RSPO2: variants seen among roughly 807,000 people sequenced by gnomAD.
RSPO2 encodes the protein R-spondin 2, also known as R-spondin-2.
Under a neutral mutation model 30.9 loss-of-function variants are expected in RSPO2, and 14 were observed. The ratio of observed to expected loss-of-function variants is 0.45; its 90% confidence interval spans 0.30 to 0.71. The LOEUF (loss-of-function observed/expected upper bound fraction) is 0.71. Among genes scored for constraint, RSPO2 ranks in the 30% least tolerant of loss-of-function variants. The pLI is 0.08. For missense variants in RSPO2, 264 were observed against 301.9 expected, an observed-to-expected ratio of 0.87 and a Z score of 0.93; for synonymous variants, 107 against 96.4, an observed-to-expected ratio of 1.11 and a Z score of -0.64.
chr8:108,058,371 A>G (rs567600363), intron 2 of RSPO2, among the ~76,000 whole-genome samples: 286 of 152,350 alleles, frequency 1.9e-3, no homozygotes, highest in Non-Finnish European at 3.3e-3. Context: ...ATGGAAGAAC[A>G]TTCCATACTC....
At chr8:107,918,553 C>G (rs1357872920) in intron 5 of RSPO2, among the ~76,000 whole-genome samples, 1 of 152,112 alleles carries the variant, frequency 6.6e-6, no homozygotes, top group African/African-American at 2.4e-5. Context: ...CACTTTCTAA[C>G]AGACCCACGA....
At chr8:107,930,154 A>T (rs12679075) in intron 5 of RSPO2, among the ~76,000 whole-genome samples, 14,604 of 152,258 alleles carry the variant, frequency 0.096, 820 homozygotes, top group South Asian at 0.17. Flanking sequence ...CTTGGTATTC[A>T]TTACAAGTTT....
chr8:107,944,035 T>C (rs1812978612), intron 5 of RSPO2, among the ~76,000 whole-genome samples: 2 of 152,204 alleles, frequency 1.3e-5, no homozygotes, highest in Admixed American at 1.3e-4. Context: ...GAAAGAGGTA[T>C]AAGCACTCAG....
At chr8:108,045,992 T>G (rs768336521) in intron 2 of RSPO2, among the ~76,000 whole-genome samples, 7 of 152,270 alleles carry the variant, frequency 4.6e-5, no homozygotes, top group African/African-American at 1.7e-4. Flanking sequence ...CAGGCATACA[T>G]AAGTAAATAT....
intron 3 of RSPO2, among the ~76,000 whole-genome samples, chr8:107,979,606 C>T (rs769688449): frequency 1.3e-5 from 2 of 151,916 alleles, no homozygotes; most frequent in African/African-American, 2.4e-5. Context: ...TGCAGCACAA[C>T]ATGGCACATG....
intron 2 of RSPO2, 54 bp from the exon 3 acceptor site, chr8:107,989,298 G>T: frequency 1.7e-6 from 2 of 1,152,152 alleles, no homozygotes; most frequent in South Asian, 1.7e-5. Context: ...CAGATTTTTG[G>T]TAAATACACC....
chr8:107,930,988 T>G (rs1812536785), intron 5 of RSPO2, among the ~76,000 whole-genome samples: 2 of 152,216 alleles, frequency 1.3e-5, no homozygotes, highest in African/African-American at 4.8e-5. Context: ...ACTGTGCTAA[T>G]TTGTTTCAGG....
At chr8:108,027,695 G>A (rs1283266987) in intron 2 of RSPO2, among the ~76,000 whole-genome samples, 1 of 151,900 alleles carries the variant, frequency 6.6e-6, no homozygotes, top group Non-Finnish European at 1.5e-5. Flanking sequence ...AGAGCCTGAT[G>A]GGAAAATAAA....
At chr8:108,070,239 G>C (rs1212236558) in intron 2 of RSPO2, among the ~76,000 whole-genome samples, 1 of 149,886 alleles carries the variant, frequency 6.7e-6, no homozygotes, top group Non-Finnish European at 1.5e-5. Flanking sequence ...TGGGAGGATC[G>C]CTTGAGCCCA....
chr8:108,006,636 A>G (rs1815462556), intron 2 of RSPO2, among the ~76,000 whole-genome samples: 2 of 152,100 alleles, frequency 1.3e-5, no homozygotes, highest in African/African-American at 4.8e-5. Flanking sequence ...TCAAGAAGAA[A>G]GAAGGATAAA....
intron 3 of RSPO2, among the ~76,000 whole-genome samples, chr8:107,985,539 G>A (rs1440273021): frequency 1.3e-5 from 2 of 152,066 alleles, no homozygotes; most frequent in South Asian, 4.1e-4. Context: ...TGAGGATAAC[G>A]ACAAATACTC....
chr8:108,021,394 C>T (rs963063922), intron 2 of RSPO2, among the ~76,000 whole-genome samples: 8 of 152,198 alleles, frequency 5.3e-5, no homozygotes, highest in Non-Finnish European at 1.2e-4. Context: ...TGAGCAGATT[C>T]TATGAATGAA....
chr8:107,967,493 G>T lies in RSPO2; in HGVS notation c.284-6676C>A, dbSNP rs375430098. 2.0e-4 allele frequency among the ~76,000 whole-genome samples: 31 copies of T among 152,076 alleles called. No individual in the cohort carries two copies. The South Asian group carries it at 6.0e-3, about 30-fold the overall frequency. On this transcript the variant is annotated intron_variant, in intron 3 of 5. Coordinates refer to ENST00000276659, the MANE Select transcript of RSPO2 (RefSeq NM_178565.5). ...TTACATTTTTTTGTAATACAGTCAA[G>T]TAACACACAGCTCATTAGAACTTCA...
intron 3 of RSPO2, among the ~76,000 whole-genome samples, chr8:107,986,310 A>G (rs1814629973): frequency 6.6e-6 from 1 of 152,220 alleles, no homozygotes; most frequent in African/African-American, 2.4e-5. Flanking sequence ...TCTTGTTAAT[A>G]GCACTTCCTG....
At chr8:108,069,695 A>G (rs1008875910) in intron 2 of RSPO2, among the ~76,000 whole-genome samples, 2 of 152,224 alleles carry the variant, frequency 1.3e-5, no homozygotes, top group Admixed American at 6.5e-5. Flanking sequence ...CAATGAAATC[A>G]TTAAGAAAAT....
chr8:107,952,178 C>T (rs4735032), intron 5 of RSPO2, among the ~76,000 whole-genome samples: 11 of 152,040 alleles, frequency 7.2e-5, no homozygotes, highest in Admixed American at 2.0e-4. Flanking sequence ...TGTTTGGAGG[C>T]AAGTGGATCT....
At chr8:107,911,244 A>C (rs572203208) in intron 5 of RSPO2, among the ~76,000 whole-genome samples, 49 of 152,260 alleles carry the variant, frequency 3.2e-4, no homozygotes, top group African/African-American at 1.1e-3. Context: ...TCTCAATTGC[A>C]TATTCTCTAG....
In RSPO2 at chr8:107,953,040, G is replaced by A. The variant is rs189968971; in HGVS notation, c.616+5040C>T. On this transcript the variant is annotated intron_variant, in intron 5 of 5. Transcript: ENST00000276659. The stretch of plus-strand genomic sequence containing the variant: ...TGTGGTTACTAAAAACTGCACTATC[G>A]TGAGTTGAGGCAGCTGTGAGCAAAA... Among the ~76,000 whole-genome samples, 247 of 152,300 alleles carry A rather than the reference G, an allele frequency of 1.6e-3. 1 individual carries two copies. Among genetic ancestry groups the A allele is most frequent in the African/African-American group, 5.7e-3 (235 of 41,570 alleles).
At chr8:107,920,096 G>A (rs1188777320) in intron 5 of RSPO2, among the ~76,000 whole-genome samples, 1 of 151,934 alleles carries the variant, frequency 6.6e-6, no homozygotes, top group Non-Finnish European at 1.5e-5. Flanking sequence ...CAAAAATCTG[G>A]ATGAGGCAGG....
Sources: allele counts gnomAD v4.1 joint callset (sites outside exome capture counted in the v4.1 genomes callset), GRCh38; gene constraint gnomAD v4.1.1; transcripts MANE v1.5; gene names NCBI Gene and HGNC (gene_info 2026-07-23, HGNC 2026-07-21).